Variants in HSD17B12 observed in about 807,000 individuals in gnomAD.
HSD17B12 encodes the protein hydroxysteroid 17-beta dehydrogenase 12, also known as very-long-chain 3-oxoacyl-CoA reductase.
HSD17B12 carries 32 observed loss-of-function variants against 39.3 expected under a neutral mutation model. That is an observed-to-expected ratio of 0.81 (90% confidence interval 0.61 to 1.09). The LOEUF (loss-of-function observed/expected upper bound fraction) is 1.09. HSD17B12 is among the 50% of genes least tolerant of loss of function. The probability of loss-of-function intolerance (pLI) is 0.00; values close to 1 mark genes in which losing one functional copy is unlikely to be tolerated. For missense variants in HSD17B12, 342 were observed against 382.9 expected (o/e 0.89, Z 0.89); for synonymous variants, 150 against 146.7 (o/e 1.02, Z -0.16).
the HSD17B12 span, among the ~76,000 whole-genome samples, chr11:43,584,977 G>A: frequency 1.3e-5 from 2 of 152,196 alleles, no homozygotes; most frequent in Non-Finnish European, 2.9e-5. Flanking sequence ...ACTGAGGGGT[G>A]TAGGCCCTAT....
At chr11:43,667,387 A>G in the HSD17B12 span, among the ~76,000 whole-genome samples, 1 of 152,098 alleles carries the variant, frequency 6.6e-6, no homozygotes, top group African/African-American at 2.4e-5. Context: ...CCTGACCTCA[A>G]GTGATCCGCC....
the HSD17B12 span, among the ~76,000 whole-genome samples, chr11:43,578,656 T>C: frequency 6.6e-6 from 1 of 151,998 alleles, no homozygotes; most frequent in Admixed American, 6.5e-5. Context: ...AGTTGCGTGG[T>C]TGTGTTTACA....
At chr11:43,731,277 G>A (rs561960011) in intron 1 of HSD17B12, among the ~76,000 whole-genome samples, 182 of 152,304 alleles carry the variant, frequency 1.2e-3, no homozygotes, top group Non-Finnish European at 1.9e-3. Flanking sequence ...GATTACAGGC[G>A]TGAGCCACTG....
intron 1 of HSD17B12, among the ~76,000 whole-genome samples, chr11:43,731,240 G>A (rs1353539931): frequency 2.0e-5 from 3 of 152,142 alleles, no homozygotes; most frequent in Admixed American, 2.0e-4. Context: ...CAGGTGATCT[G>A]CCCGCCTCGG....
chr11:43,676,208 G>GGTGTGT (rs56092553), upstream of HSD17B12, among the ~76,000 whole-genome samples: 45,045 of 147,528 alleles, frequency 0.31, 7,551 homozygotes, highest in East Asian at 0.56. Context: ...AGAGGAAGAG[G>GGTGTGT]GTGTGTGTGT....
intron 7 of HSD17B12, among the ~76,000 whole-genome samples, chr11:43,834,474 G>A (rs188804086): frequency 6.6e-6 from 1 of 152,126 alleles, no homozygotes; most frequent in African/African-American, 2.4e-5. Context: ...ATAGCAGCAG[G>A]TCTCTCTTCC....
At chr11:43,721,700 G>A (rs1950177687) in intron 1 of HSD17B12, among the ~76,000 whole-genome samples, 1 of 152,136 alleles carries the variant, frequency 6.6e-6, no homozygotes, top group African/African-American at 2.4e-5. Context: ...GGTGTTTGAG[G>A]AAAGGCAAAG....
At chr11:43,706,729 G>C (rs1950019903) in intron 1 of HSD17B12, among the ~76,000 whole-genome samples, 1 of 87,348 alleles carries the variant, frequency 1.1e-5, no homozygotes, top group African/African-American at 4.3e-5. Context: ...TGTTGTGGGG[G>C]GTGGGTGTGC....
the HSD17B12 span, among the ~76,000 whole-genome samples, chr11:43,667,311 C>G: frequency 1.3e-5 from 2 of 152,076 alleles, no homozygotes; most frequent in African/African-American, 4.8e-5. Flanking sequence ...GCCACCACGG[C>G]TGGCTAATTT....
At chr11:43,776,963 A>G (rs900973738) in intron 3 of HSD17B12, among the ~76,000 whole-genome samples, 1 of 152,062 alleles carries the variant, frequency 6.6e-6, no homozygotes, top group African/African-American at 2.4e-5. Flanking sequence ...CCATTGATCT[A>G]TATCTCTGTT....
chr11:43,610,661 C>T, the HSD17B12 span, among the ~76,000 whole-genome samples: 1 of 152,124 alleles, frequency 6.6e-6, no homozygotes, highest in Non-Finnish European at 1.5e-5. Context: ...ATGGGTTCCA[C>T]TTCATGAAAG....
upstream of HSD17B12, among the ~76,000 whole-genome samples, chr11:43,676,736 T>C (rs1949697587): frequency 1.3e-5 from 2 of 152,206 alleles, no homozygotes; most frequent in Admixed American, 1.3e-4. Flanking sequence ...CAGGCACTGT[T>C]TTAGGTCCTA....
At chr11:43,646,787 ACT>A in the HSD17B12 span, among the ~76,000 whole-genome samples, 2 of 151,946 alleles carry the variant, frequency 1.3e-5, no homozygotes, top group Admixed American at 6.6e-5. Context: ...TTTATTTGGT[ACT>A]CTGTTTCCCA....
At chr11:43,793,873 AAAT>A (rs552679473) in intron 3 of HSD17B12, among the ~76,000 whole-genome samples, 160 of 152,338 alleles carry the variant, frequency 1.1e-3, no homozygotes, top group African/African-American at 3.7e-3. Context: ...CTATCGTTAT[AAAT>A]AATATTTGCT....
chr11:43,611,173 A>G, the HSD17B12 span, among the ~76,000 whole-genome samples: 3 of 152,224 alleles, frequency 2.0e-5, no homozygotes, highest in Non-Finnish European at 4.4e-5. Context: ...TTATTGGTGG[A>G]TGATCGCAGA....
At chr11:43,738,819 TAGTAGGAA>T (rs1950339080) in intron 1 of HSD17B12, among the ~76,000 whole-genome samples, 1 of 152,100 alleles carries the variant, frequency 6.6e-6, no homozygotes, top group East Asian at 1.9e-4. Flanking sequence ...CATGGCTAGA[TAGTAGGAA>T]AGAGAGTTTT....
At chr11:43,714,893 A>T (rs951201151) in intron 1 of HSD17B12, among the ~76,000 whole-genome samples, 9 of 152,248 alleles carry the variant, frequency 5.9e-5, no homozygotes, top group South Asian at 4.2e-4. Context: ...GCAATTGTGA[A>T]GGGGAGTTCA....
At chr11:43,696,295 T>A (rs1422882825) in intron 1 of HSD17B12, among the ~76,000 whole-genome samples, 1 of 152,082 alleles carries the variant, frequency 6.6e-6, no homozygotes, top group Non-Finnish European at 1.5e-5. Flanking sequence ...AGTTCTGATA[T>A]CCGGAATCTA....
At chr11:43,709,508 A>C (rs908236997) in intron 1 of HSD17B12, among the ~76,000 whole-genome samples, 5 of 152,196 alleles carry the variant, frequency 3.3e-5, no homozygotes, top group African/African-American at 1.2e-4. Flanking sequence ...CATTTCTCTG[A>C]CTTAATGTCT....
Sources: gnomAD v4.1 joint callset for allele counts (sites outside exome capture counted in the v4.1 genomes callset) on GRCh38, gnomAD v4.1.1 for gene constraint, MANE v1.5 for transcripts, NCBI Gene and HGNC (gene_info 2026-07-23, HGNC 2026-07-21) for gene names.